Variants in MACROD2 observed in about 807,000 individuals in gnomAD.
MACROD2 encodes mono-ADP ribosylhydrolase 2.
A neutral mutation model predicts 70.4 loss-of-function variants in MACROD2; 36 were observed. That is an observed-to-expected ratio of 0.51 (90% CI 0.39 to 0.68). The LOEUF is 0.68. Ranked by LOEUF, MACROD2 falls within the 30% of genes least tolerant of loss-of-function variation. MACROD2 has a pLI of 0.00. For missense variants in MACROD2, 496 were observed against 538.4 expected (o/e 0.92, Z 0.78); for synonymous variants, 172 against 178.8 (o/e 0.96, Z 0.30).
chr20:15,302,445 C>G lies in MACROD2; in HGVS notation c.540+72384C>G, dbSNP rs75661497. ...TAGAAACGGGATCATATTTTATACT[C>G]TTGTCTGCTGTTTGCCTTACTCACT... On this transcript the variant is annotated intron_variant, in intron 6 of 17. Coordinates refer to ENST00000684519, the MANE Select transcript of MACROD2 (RefSeq NM_001351661.2). Among the ~76,000 whole-genome samples, 682 of 152,184 alleles carry G rather than the reference C, an allele frequency of 4.5e-3. 6 individuals are homozygous for G. The highest frequency in any genetic ancestry group is 0.014 in the Middle Eastern group (4 of 294).
intron 10 of MACROD2, 141 bp from the exon 11 acceptor site, chr20:15,933,135 T>C (rs902897430): frequency 3.9e-5 from 27 of 695,666 alleles, no homozygotes; most frequent in Non-Finnish European, 5.9e-5. Context: ...GTTTCATGCC[T>C]CTGATTCATC....
chr20:14,436,711 A>C (rs1021322699), intron 3 of MACROD2, among the ~76,000 whole-genome samples: 1 of 152,246 alleles, frequency 6.6e-6, no homozygotes, highest in Non-Finnish European at 1.5e-5. Flanking sequence ...GATTCCTTGG[A>C]TGCTGAGTGA....
At chr20:15,084,661 CCT>C (rs1247612370) in intron 5 of MACROD2, among the ~76,000 whole-genome samples, 1 of 152,006 alleles carries the variant, frequency 6.6e-6, no homozygotes, top group Non-Finnish European at 1.5e-5. Flanking sequence ...TTGTATTTTC[CCT>C]GTTACTGTAT....
intron 15 of MACROD2, among the ~76,000 whole-genome samples, chr20:15,994,686 T>A (rs1369338113): frequency 6.6e-6 from 1 of 152,212 alleles, no homozygotes. Context: ...TCTGTCTTGC[T>A]ATCATATAGA....
chr20:14,757,205 A>G (rs1305107560), intron 5 of MACROD2, among the ~76,000 whole-genome samples: 3 of 152,194 alleles, frequency 2.0e-5, no homozygotes, highest in Admixed American at 2.0e-4. Flanking sequence ...AATAGAAATA[A>G]AGAAGTAATA....
intron 5 of MACROD2, among the ~76,000 whole-genome samples, chr20:14,920,551 T>G (rs763240484): frequency 5.3e-5 from 8 of 152,190 alleles, no homozygotes; most frequent in Non-Finnish European, 7.3e-5. Flanking sequence ...TTTCTTCTTT[T>G]TAGAATAAAT....
chr20:14,912,989 ACACAAATTCTGTCTCTCTT>A (rs1179038763), intron 5 of MACROD2, among the ~76,000 whole-genome samples: 26 of 152,246 alleles, frequency 1.7e-4, no homozygotes, highest in African/African-American at 6.0e-4. Flanking sequence ...CAGGATGAGT[ACACAAATTCTGTCTCTCTT>A]CTATAGCCCT....
chr20:14,971,262 G>C (rs2074688492), intron 5 of MACROD2, among the ~76,000 whole-genome samples: 1 of 151,886 alleles, frequency 6.6e-6, no homozygotes. Context: ...GAATATTTTT[G>C]ATGGGTAACC....
At chr20:14,226,509 G>T (rs1290639066) in intron 3 of MACROD2, among the ~76,000 whole-genome samples, 1 of 152,208 alleles carries the variant, frequency 6.6e-6, no homozygotes, top group Non-Finnish European at 1.5e-5. Context: ...GAGATGTGTA[G>T]GGAGGCGCGA....
chr20:15,893,728 G>C (rs549196618), intron 10 of MACROD2: 1 of 456,568 alleles, frequency 2.2e-6, no homozygotes, highest in Non-Finnish European at 4.4e-6. Context: ...GCATATTTAC[G>C]CTTTGTCTTT....
At position 15,701,434 on chromosome 20, in the gene MACROD2, CCTT is replaced by C. The variant is rs570081590; in HGVS notation, c.646-161310_646-161308del. On this transcript the variant is annotated intron_variant, in intron 8 of 17. Transcript: ENST00000684519. Reference sequence around the variant, plus strand: ...GTATTCTACTTTCAATTATTCGTAACCTTATTATTATATATTTACTTCTTTTAA... The same window carrying C: ...GTATTCTACTTTCAATTATTCGTAACATTATTATATATTTACTTCTTTTAA... Among the ~76,000 whole-genome samples the C allele has an allele frequency of 9.3e-3, 1,418 of 152,170 alleles. 23 individuals are homozygous for C. Among genetic ancestry groups the C allele is most frequent in the Non-Finnish European group, 9.8e-3 (664 of 68,018 alleles).
intron 3 of MACROD2, among the ~76,000 whole-genome samples, chr20:14,490,073 C>T (rs1401299802): frequency 2.6e-5 from 4 of 151,858 alleles, no homozygotes; most frequent in Admixed American, 2.0e-4. Flanking sequence ...TGAAAACTGC[C>T]GTGATCATTT....
At chr20:15,766,340 A>G (rs2051523931) in intron 8 of MACROD2, among the ~76,000 whole-genome samples, 1 of 152,226 alleles carries the variant, frequency 6.6e-6, no homozygotes, top group Non-Finnish European at 1.5e-5. Flanking sequence ...ATTCCTTTTC[A>G]GAAATTGAGA....
intron 5 of MACROD2, among the ~76,000 whole-genome samples, chr20:15,156,017 T>C (rs902911312): frequency 4.6e-5 from 7 of 152,128 alleles, no homozygotes; most frequent in Non-Finnish European, 1.0e-4. Context: ...TACCCTTAGG[T>C]GGTAAGGTGT....
At chr20:15,509,511 G>A (rs62193939) in intron 8 of MACROD2, among the ~76,000 whole-genome samples, 4,794 of 152,248 alleles carry the variant, frequency 0.031, 140 homozygotes, top group East Asian at 0.14. Context: ...AAAAAGAACG[G>A]ATCCCTTTGC....
intron 13 of MACROD2, among the ~76,000 whole-genome samples, chr20:15,976,824 G>T (rs1279670517): frequency 1.3e-5 from 2 of 152,228 alleles, no homozygotes; most frequent in African/African-American, 4.8e-5. Context: ...GTAGAGACAG[G>T]TTTAGAGGGC....
chr20:15,928,965 C>T (rs1475285864), intron 10 of MACROD2, among the ~76,000 whole-genome samples: 1 of 151,770 alleles, frequency 6.6e-6, no homozygotes, highest in Non-Finnish European at 1.5e-5. Flanking sequence ...TTAAAGTTAA[C>T]TTAAAGCCTT....
At chr20:14,247,239 A>T (rs1401873295) in intron 3 of MACROD2, among the ~76,000 whole-genome samples, 1 of 152,232 alleles carries the variant, frequency 6.6e-6, no homozygotes, top group African/African-American at 2.4e-5. Context: ...ATACAGACAG[A>T]TCCAAAACTT....
chr20:15,373,922 T>G (rs1449907512), intron 6 of MACROD2, among the ~76,000 whole-genome samples: 4 of 152,200 alleles, frequency 2.6e-5, no homozygotes, highest in African/African-American at 9.6e-5. Context: ...TGTTGTAACT[T>G]CATTTTGCCA....
Sources: allele counts gnomAD v4.1 joint callset (sites outside exome capture counted in the v4.1 genomes callset), GRCh38; gene constraint gnomAD v4.1.1; transcripts MANE v1.5; gene names NCBI Gene and HGNC (gene_info 2026-07-23, HGNC 2026-07-21).